IRAG2: variants seen among roughly 807,000 people sequenced by gnomAD.
The protein encoded by IRAG2 is lymphoid restricted membrane protein.
A neutral mutation model predicts 69.9 loss-of-function variants in IRAG2; 45 were observed. That is an observed-to-expected ratio of 0.64 (90% CI 0.51 to 0.83). IRAG2 has a LOEUF of 0.83. Ranked by LOEUF, IRAG2 falls within the 40% of genes least tolerant of loss-of-function variation. The pLI is 0.00. For missense variants in IRAG2, 520 were observed against 587.0 expected, an observed-to-expected ratio of 0.89 and a Z score of 1.18; for synonymous variants, 193 against 202.4, an observed-to-expected ratio of 0.95 and a Z score of 0.40.
chr12:25,090,958 C>T lies in IRAG2; in HGVS notation c.606+761C>T, dbSNP rs1195729911. The T allele has an allele frequency of 1.9e-5, 8 of 414,834 alleles. No individual in the cohort carries two copies. The Admixed American group carries it at 2.1e-4, about 11-fold the overall frequency. 25.7% of individuals were successfully genotyped at this position (414,834 alleles called of 1,614,324 possible). Reference sequence around the variant, plus strand: ...TTCAGTCTTGCAGATGATGGGCAAGCCTGCTGTAGGGTACTGAGAGAAGAA... The same window carrying T: ...TTCAGTCTTGCAGATGATGGGCAAGTCTGCTGTAGGGTACTGAGAGAAGAA... On this transcript the variant is annotated intron_variant, in intron 14 of 21. Transcript: ENST00000556887.
chr12:25,019,170 G>T (rs1944556287), intron 6 of IRAG2, among the ~76,000 whole-genome samples: 1 of 152,156 alleles, frequency 6.6e-6, no homozygotes, highest in South Asian at 2.1e-4. Context: ...TCTAGGGGTT[G>T]CCCACAACCT....
chr12:25,108,082 G>T lies in IRAG2; in HGVS notation c.*22G>T, dbSNP rs749091424. ...GTGACAGCAGGACATCCTAATATAT[G>T]GATCTTGATTTTTAAGTTTCAGTAT... On this transcript the variant is annotated 3_prime_UTR_variant, in exon 22 of 22. Transcript: ENST00000556887. The T allele has an allele frequency of 2.2e-5, 36 of 1,600,800 alleles. No homozygotes were observed. In the African/African-American group the frequency reaches 4.3e-4, roughly 19 times the overall value.
chr12:25,009,301 G>T (rs1364082339), intron 2 of IRAG2, among the ~76,000 whole-genome samples: 1 of 152,148 alleles, frequency 6.6e-6, no homozygotes, highest in Non-Finnish European at 1.5e-5. Flanking sequence ...GTGAGACTCT[G>T]TCTCAAAAAA....
rs753194614 is a variant in IRAG2 at position 25,104,471 on chromosome 12, A to C, written c.1148+9A>C. On this transcript the variant is annotated intron_variant, in intron 20 of 21. Transcript: ENST00000556887. ...GAAAAATGTGAACTAAAGTAGGTGA[A>C]GCTCAGTGTGTTTATTAACCTGACA... The C allele has an allele frequency of 6.6e-7, 1 of 1,515,528 alleles. No individual in the cohort carries two copies. 93.9% of individuals were successfully genotyped at this position (1,515,528 alleles called of 1,614,324 possible). A position where few individuals can be genotyped will look rare whatever the true frequency, so the allele number is the denominator to read the frequency against.
chr12:25,042,819 T>A (rs1944761428), intron 16 of IRAG2, among the ~76,000 whole-genome samples: 1 of 152,074 alleles, frequency 6.6e-6, no homozygotes, highest in South Asian at 2.1e-4. Flanking sequence ...ATAAAGTTCA[T>A]AAAACACGTT....
intron 6 of IRAG2, among the ~76,000 whole-genome samples, chr12:25,017,493 G>T (rs907519569): frequency 1.3e-5 from 2 of 152,028 alleles, no homozygotes; most frequent in Admixed American, 6.6e-5. Context: ...CAAGGCAAGT[G>T]AATCACTTGA....
rs1462736719 is a variant in IRAG2, at chr12:25,107,989, T to C, written c.1429T>C (p.Ser477Pro). 1.9e-6 allele frequency: 3 copies of C among 1,614,184 alleles called. No homozygotes were observed. The African/African-American group carries it at 4.0e-5, about 22-fold the overall frequency. Residue 477 changes from serine to proline, a missense_variant, in exon 22 of 22, where the codon TCA becomes CCA. By Grantham distance (74) the Ser-to-Pro change is moderately conservative (BLOSUM62 -1). Coordinates refer to ENST00000556887, the MANE Select transcript of IRAG2 (RefSeq NM_001366544.2). ...TGCCGCTCCCACACAGCAAGAGGAC[T>C]CATGGACGTCTCTAGAACATATCTT... is the stretch of plus-strand genomic sequence containing the variant. Reference protein sequence around the residue: ...VDAAPTQQEDSWTSLEHILWP... With the variant: ...VDAAPTQQEDPWTSLEHILWP...
chr12:25,060,034 TA>T (rs997709315), intron 1 of IRAG2, among the ~76,000 whole-genome samples: 1 of 152,196 alleles, frequency 6.6e-6, no homozygotes, highest in African/African-American at 2.4e-5. Flanking sequence ...TCCTGGCTGT[TA>T]GTGATTTTAA....
At chr12:25,044,080 A>C (rs7304669) in intron 16 of IRAG2, among the ~76,000 whole-genome samples, 284 of 152,322 alleles carry the variant, frequency 1.9e-3, no homozygotes, top group Non-Finnish European at 3.2e-3. Context: ...AGTAAAAATA[A>C]CTATAAAAAT....
intron 13 of IRAG2, among the ~76,000 whole-genome samples, chr12:25,034,977 A>G (rs768971417): frequency 2.6e-5 from 4 of 152,206 alleles, no homozygotes; most frequent in Admixed American, 1.3e-4. Context: ...CTGCCACAGC[A>G]GTGTGTTTTT....
chr12:25,010,145 C>T (rs1264220247), intron 2 of IRAG2, among the ~76,000 whole-genome samples: 1 of 152,160 alleles, frequency 6.6e-6, no homozygotes, highest in Non-Finnish European at 1.5e-5. Flanking sequence ...TTATTGCTGG[C>T]TTTCCAGCTT....
At chr12:25,027,480 T>C (rs1944632870) in intron 9 of IRAG2, among the ~76,000 whole-genome samples, 1 of 151,548 alleles carries the variant, frequency 6.6e-6, no homozygotes, top group African/African-American at 2.4e-5. Flanking sequence ...CTGCAAGCTC[T>C]GCCTTCCGTG....
upstream of IRAG2, among the ~76,000 whole-genome samples, chr12:25,003,799 T>C: frequency 6.6e-6 from 1 of 152,204 alleles, no homozygotes; most frequent in East Asian, 1.9e-4. Flanking sequence ...ATAAAACACC[T>C]AATATGGGGC....
At position 25,052,869 on chromosome 12, in the gene IRAG2, A is replaced by G; in HGVS notation, c.-534A>G. On this transcript the variant is annotated 5_prime_UTR_variant, in exon 1 of 22. Coordinates refer to ENST00000556887, the MANE Select transcript of IRAG2 (RefSeq NM_001366544.2). ...TTTACTGCATAAATTAGAGGAAGCA[A>G]TTTCGGAACAACGGAACCTTCAAAC... The G allele has an allele frequency of 2.5e-6, 1 of 398,608 alleles. No homozygotes were observed. Among genetic ancestry groups the G allele is most frequent in the Non-Finnish European group, 4.4e-6 (1 of 226,046 alleles). The allele number at this position is 398,608 out of a possible 1,614,324, so 24.7% of individuals were successfully genotyped here.
intron 16 of IRAG2, among the ~76,000 whole-genome samples, chr12:25,041,955 CTGTGTG>C (rs59225610): frequency 0.022 from 3,257 of 148,376 alleles, 49 homozygotes; most frequent in African/African-American, 0.03. Context: ...TTTGTTTCAG[CTGTGTG>C]TGTGTGTGTG....
chr12:25,043,101 A>C (rs777391018), intron 16 of IRAG2, among the ~76,000 whole-genome samples: 2 of 152,154 alleles, frequency 1.3e-5, no homozygotes, highest in Non-Finnish European at 2.9e-5. Context: ...CAACAACAAT[A>C]CATGAACAAA....
intron 5 of IRAG2, among the ~76,000 whole-genome samples, chr12:25,068,234 A>G (rs924162186): frequency 4.6e-5 from 7 of 152,176 alleles, no homozygotes; most frequent in African/African-American, 1.4e-4. Context: ...GCCGCCCAAC[A>G]TGCTGGGATT....
chr12:25,009,616 C>T (rs1944459245), intron 2 of IRAG2, among the ~76,000 whole-genome samples: 1 of 152,166 alleles, frequency 6.6e-6, no homozygotes, highest in African/African-American at 2.4e-5. Context: ...GTCATGCGAT[C>T]ATGGAGGCGG....
chr12:25,056,835 A>G (rs1012077582), intron 1 of IRAG2, among the ~76,000 whole-genome samples: 1 of 152,228 alleles, frequency 6.6e-6, no homozygotes, highest in Non-Finnish European at 1.5e-5. Context: ...AACAGGCAAC[A>G]GGAACCCTTT....
Sources: allele counts gnomAD v4.1 joint callset (sites outside exome capture counted in the v4.1 genomes callset), GRCh38; gene constraint gnomAD v4.1.1; transcripts MANE v1.5; gene names NCBI Gene and HGNC (gene_info 2026-07-23, HGNC 2026-07-21).